The following TMTC1 variants were observed in gnomAD, a reference collection of about 807,000 sequenced individuals.
The protein encoded by TMTC1 is protein O-mannosyl-transferase TMTC1.
A neutral mutation model predicts 104.8 loss-of-function variants in TMTC1; 73 were observed. The ratio of observed to expected loss-of-function variants is 0.70; its 90% CI spans 0.58 to 0.85. The LOEUF (loss-of-function observed/expected upper bound fraction) is 0.85. Among genes scored for constraint, TMTC1 ranks in the 40% least tolerant of loss-of-function variants. TMTC1 has a pLI of 0.00. For synonymous variants in TMTC1, 434 were observed against 428.7 expected (o/e 1.01, Z -0.15); for missense variants, 1,035 against 1,096.1 (o/e 0.94, Z 0.79).
chr12:29,632,334 AAATCTCATCT>A (rs1938340881), intron 6 of TMTC1, among the ~76,000 whole-genome samples: 1 of 152,222 alleles, frequency 6.6e-6, no homozygotes, highest in African/African-American at 2.4e-5. Context: ...GTCACTACCC[AAATCTCATCT>A]TGAATGGTAG....
chr12:29,770,450 A>T (rs1943569621), intron 1 of TMTC1, among the ~76,000 whole-genome samples: 1 of 152,188 alleles, frequency 6.6e-6, no homozygotes, highest in South Asian at 2.1e-4. Flanking sequence ...CGGTTGGCTT[A>T]AATTTAATAA....
At chr12:29,556,221 A>AG (rs149888473) in intron 10 of TMTC1, among the ~76,000 whole-genome samples, 2,654 of 152,286 alleles carry the variant, frequency 0.017, 77 homozygotes, top group African/African-American at 0.061. Flanking sequence ...AACCTTTATC[A>AG]GGGCAGCAAG....
chr12:29,733,119 C>T (rs757827905), intron 5 of TMTC1, among the ~76,000 whole-genome samples: 2 of 152,124 alleles, frequency 1.3e-5, no homozygotes, highest in Non-Finnish European at 2.9e-5. Flanking sequence ...TTCTCCCATG[C>T]AAAATATGGA....
At chr12:29,596,252 C>A (rs950544183) in intron 7 of TMTC1, among the ~76,000 whole-genome samples, 7 of 152,190 alleles carry the variant, frequency 4.6e-5, no homozygotes, top group African/African-American at 1.2e-4. Context: ...AGTGGTCCAC[C>A]CCCCTTGGCC....
chr12:29,710,339 C>G (rs989449161), intron 5 of TMTC1, among the ~76,000 whole-genome samples: 3 of 151,922 alleles, frequency 2.0e-5, no homozygotes, highest in African/African-American at 7.3e-5. Flanking sequence ...AATTAGTCTG[C>G]AGGCTGCTCT....
chr12:29,551,550 T>A (rs1413534698), intron 10 of TMTC1, among the ~76,000 whole-genome samples: 2 of 152,214 alleles, frequency 1.3e-5, no homozygotes, highest in Non-Finnish European at 2.9e-5. Context: ...TCATATTCTA[T>A]TATGTGAACA....
At chr12:29,515,602 C>G (rs1168229492) in intron 15 of TMTC1, among the ~76,000 whole-genome samples, 2 of 152,140 alleles carry the variant, frequency 1.3e-5, no homozygotes, top group Non-Finnish European at 2.9e-5. Context: ...ACCTGGCCTC[C>G]CAGACTCATC....
At chr12:29,553,277 G>A (rs576708949) in intron 10 of TMTC1, among the ~76,000 whole-genome samples, 2 of 152,258 alleles carry the variant, frequency 1.3e-5, no homozygotes, top group South Asian at 2.1e-4. Context: ...TTTCCTCACC[G>A]GTAAAATGGG....
At chr12:29,640,304 G>A (rs955790122) in intron 5 of TMTC1, among the ~76,000 whole-genome samples, 1 of 151,836 alleles carries the variant, frequency 6.6e-6, no homozygotes, top group South Asian at 2.1e-4. Context: ...GCAGACAGGA[G>A]GCAGGAACAG....
chr12:29,655,524 C>T (rs539883434), intron 5 of TMTC1, among the ~76,000 whole-genome samples: 57 of 152,130 alleles, frequency 3.7e-4, no homozygotes, highest in Non-Finnish European at 4.1e-4. Context: ...AATAAGCCTA[C>T]CAATGTTGTA....
intron 10 of TMTC1, among the ~76,000 whole-genome samples, chr12:29,548,318 G>A (rs1464824079): frequency 6.6e-6 from 1 of 152,168 alleles, no homozygotes; most frequent in Non-Finnish European, 1.5e-5. Flanking sequence ...TGCTGATGGA[G>A]TGAAAAATGG....
intron 7 of TMTC1, among the ~76,000 whole-genome samples, chr12:29,596,029 C>T (rs1160789592): frequency 1.3e-4 from 19 of 150,474 alleles, no homozygotes; most frequent in African/African-American, 2.7e-4. Flanking sequence ...TTTTTTGAGA[C>T]GGAGTCTCAC....
intron 5 of TMTC1, among the ~76,000 whole-genome samples, chr12:29,746,494 C>T (rs1257631809): frequency 6.6e-6 from 1 of 152,122 alleles, no homozygotes; most frequent in Non-Finnish European, 1.5e-5. Flanking sequence ...AGAATCATAA[C>T]GTGTGACATA....
chr12:29,671,565 C>A (rs1178367876), intron 5 of TMTC1, among the ~76,000 whole-genome samples: 4 of 113,294 alleles, frequency 3.5e-5, no homozygotes, highest in Non-Finnish European at 7.8e-5. Flanking sequence ...TAAGTGCATA[C>A]AACAACGACA....
rs1338879003 is a variant in TMTC1 at position 29,783,549 on chromosome 12, G to A, written c.203C>T (p.Pro68Leu). ...GTTGGTGAAGATGCCCCAGCGGAGC[G>A]GGGCGCCGGGCCGCACGTCGGGGTT... is the stretch of plus-strand genomic sequence containing the variant. ...VNNPDVRPGA[P>L]LRWGIFTNDF... is the part of the protein sequence containing the mutation. Residue 68 changes from proline to leucine, a missense_variant, in exon 1 of 18, where the codon CCG becomes CTG. Pro to Leu is a moderately conservative substitution (Grantham distance 98). Transcript: ENST00000539277. This position sits in a 1 kb window ranked among gnomAD's most constrained non-coding sequence, Gnocchi z 4.7. 6.8e-7 allele frequency: 1 copy of A among 1,474,872 alleles called. No homozygotes were observed. 91.4% of individuals were successfully genotyped at this position (1,474,872 alleles called of 1,614,324 possible). A position where few individuals can be genotyped will look rare whatever the true frequency, so the allele number is the denominator to read the frequency against.
intron 7 of TMTC1, among the ~76,000 whole-genome samples, chr12:29,587,691 ATATTGGAGACTAT>A (rs1375538865): frequency 6.6e-6 from 1 of 152,200 alleles, no homozygotes; most frequent in Non-Finnish European, 1.5e-5. Context: ...AAGCCATCCT[ATATTGGAGACTAT>A]TACTATCAGA....
At chr12:29,524,046 A>G (rs1944264434) in intron 11 of TMTC1, among the ~76,000 whole-genome samples, 1 of 152,170 alleles carries the variant, frequency 6.6e-6, no homozygotes, top group African/African-American at 2.4e-5. Flanking sequence ...TTTTGGTCTC[A>G]GTACATCATT....
intron 6 of TMTC1, among the ~76,000 whole-genome samples, chr12:29,614,747 T>A (rs547953446): frequency 6.6e-6 from 1 of 152,202 alleles, no homozygotes; most frequent in African/African-American, 2.4e-5. Flanking sequence ...CAGATAAAAG[T>A]AAGAACTTAA....
chr12:29,603,452 A>G (rs189483821), intron 7 of TMTC1, among the ~76,000 whole-genome samples: 1 of 152,186 alleles, frequency 6.6e-6, no homozygotes, highest in African/African-American at 2.4e-5. Flanking sequence ...TAAAATCTCT[A>G]TTGTAAAAAT....
Sources: gnomAD v4.1 joint callset for allele counts (sites outside exome capture counted in the v4.1 genomes callset) on GRCh38, gnomAD v4.1.1 for gene constraint, Gnocchi (gnomAD v3.1) non-coding constraint, MANE v1.5 for transcripts, NCBI Gene and HGNC (gene_info 2026-07-23, HGNC 2026-07-21) for gene names.